The following CACFD1 variants were observed in gnomAD, a reference collection of about 807,000 sequenced individuals.
The protein encoded by CACFD1 is calcium channel flower domain containing 1.
Under a neutral mutation model 21.3 loss-of-function variants are expected in CACFD1, and 26 were observed. The ratio of observed to expected loss-of-function variants is 1.22; its 90% CI spans 0.89 to 1.69. The LOEUF (loss-of-function observed/expected upper bound fraction) is 1.69, where lower values mean the gene tolerates loss of function less well. CACFD1 is among the 40% of genes most tolerant of loss of function. The pLI is 0.00. For missense variants in CACFD1, 265 were observed against 236.2 expected (o/e 1.12, Z -0.80); for synonymous variants, 121 against 106.6 (o/e 1.13, Z -0.83).
At chr9:133,460,995 C>T (rs1843183942) in intron 1 of CACFD1, among the ~76,000 whole-genome samples, 1 of 151,476 alleles carries the variant, frequency 6.6e-6, no homozygotes, top group Non-Finnish European at 1.5e-5. Context: ...GAATGGAAGC[C>T]GTACAGCTGG....
At chr9:133,460,307 C>T (rs1843098446) in intron 1 of CACFD1, 120 bp downstream of exon 1, 13 of 941,726 alleles carry the variant, frequency 1.4e-5, no homozygotes, top group African/African-American at 3.5e-5. Flanking sequence ...GGGGGTCTGC[C>T]GGGCGCCTCC....
rs2131003615 is a variant in CACFD1, at chr9:133,467,917, C to G, written c.321-4C>G. On this transcript the variant is annotated splice_polypyrimidine_tract_variant and splice_region_variant and intron_variant, in intron 3 of 4. Coordinates refer to ENST00000316948, the MANE Select transcript of CACFD1 (RefSeq NM_017586.5). ...TGCCCCCTTGACCTCTGCTTTCCCC[C>G]CAGGATGGCGGTCGTTCCCATCGTC... The G allele has an allele frequency of 6.2e-7, 1 of 1,609,994 alleles. No homozygotes were observed. Among genetic ancestry groups the G allele is most frequent in the Non-Finnish European group, 8.5e-7 (1 of 1,177,888 alleles).
rs934384423 is a variant in CACFD1, at chr9:133,470,043, G to C, written c.*1390G>C. 6.6e-6 allele frequency: 1 copy of C among 152,606 alleles called. No homozygotes were observed. The highest frequency in any genetic ancestry group is 1.5e-5 in the Non-Finnish European group (1 of 68,106). The allele number at this position is 152,606 out of a possible 1,614,324, so 9.5% of individuals were successfully genotyped here. A position where few individuals can be genotyped will look rare whatever the true frequency, so the allele number is the denominator to read the frequency against. The stretch of plus-strand genomic sequence containing the variant: ...CTGCCCAGTACTGCCCTGGGGACTT[G>C]GTGGGCTCCTGGGTCAGCAGCATCC... On this transcript the variant is annotated 3_prime_UTR_variant, in exon 5 of 5. Coordinates refer to ENST00000316948, the MANE Select transcript of CACFD1 (RefSeq NM_017586.5).
rs782661209 is a variant in CACFD1, at chr9:133,467,991, A to T, written c.391A>T (p.Thr131Ser). The change falls in exon 4 of 5, where the codon ACG (threonine) becomes TCG (serine). Residue 131 changes from threonine to serine, a missense_variant. Physicochemically the swap from Thr to Ser is moderately conservative, Grantham distance 58. Coordinates refer to ENST00000316948, the MANE Select transcript of CACFD1 (RefSeq NM_017586.5). ...TLLGNAIAFA[T>S]GVLYGLSALG... ...GCTGGGCAACGCCATCGCCTTTGCTACGGGGGTGCTGTACGGACTCTCTGC... is the reference window on the plus strand; with the variant it reads ...GCTGGGCAACGCCATCGCCTTTGCTTCGGGGGTGCTGTACGGACTCTCTGC... The T allele has an allele frequency of 6.2e-7, 1 of 1,613,798 alleles. No individual in the cohort carries two copies. The highest frequency in any genetic ancestry group is 8.5e-7 in the Non-Finnish European group (1 of 1,180,010).
chr9:133,463,251 C>CCTGCCACCTTG (rs1195299306), intron 1 of CACFD1, among the ~76,000 whole-genome samples: 42 of 152,330 alleles, frequency 2.8e-4, no homozygotes, highest in African/African-American at 1.0e-3. Flanking sequence ...GTGAGATCCA[C>CCTGCCACCTTG]CTGCCACCTT....
chr9:133,468,817 C>A lies in CACFD1; in HGVS notation c.*164C>A. 1 of 1,250,360 alleles carries A rather than the reference C, an allele frequency of 8.0e-7. No homozygotes were observed. Among genetic ancestry groups the A allele is most frequent in the Non-Finnish European group, 1.1e-6 (1 of 934,272 alleles). 77.5% of individuals were successfully genotyped at this position (1,250,360 alleles called of 1,614,324 possible). ...TCTCCAGACTGGCTTAAGCCAGGAG[C>A]CACTGGCTGCTGGTGTGAGGGTCTG... On this transcript the variant is annotated 3_prime_UTR_variant, in exon 5 of 5. Transcript: ENST00000316948.
rs1397895043 is a variant in CACFD1 at position 133,460,037 on chromosome 9, G to A, written c.-30G>A. The stretch of plus-strand genomic sequence containing the variant: ...CGGCCGGCTACCGAGCCCTTTGTGA[G>A]GGCTGTGAGCTGCGCCTGACGGTGG... On this transcript the variant is annotated 5_prime_UTR_variant, in exon 1 of 5. Transcript: ENST00000316948. The A allele has an allele frequency of 3.9e-6, 6 of 1,530,828 alleles. No homozygotes were observed. Among genetic ancestry groups the A allele is most frequent in the Middle Eastern group, 1.8e-4 (1 of 5,682 alleles). 94.8% of individuals were successfully genotyped at this position (1,530,828 alleles called of 1,614,324 possible).
In CACFD1 at chr9:133,463,481, A is replaced by G. The variant is rs781867962; in HGVS notation, c.122-2A>G. 2.5e-6 allele frequency: 4 copies of G among 1,613,906 alleles called. No homozygotes were observed. The highest frequency in any genetic ancestry group is 3.4e-6 in the Non-Finnish European group (4 of 1,180,010). On this transcript the variant is annotated splice_acceptor_variant, in intron 1 of 4. Transcript: ENST00000316948. LOFTEE classifies it high-confidence loss of function. ...ACTCCTGCCCGTGTCTCTTGTTTCA[A>G]GCTTGCGCGATCTCTGGCCTCTTCA...
Position 133,465,748 on chromosome 9 carries a change from C to T in CACFD1, c.320+301C>T, listed in dbSNP as rs983428123. The stretch of plus-strand genomic sequence containing the variant: ...GTGGGAAGCGTCTGGAATTTTGGTC[C>T]GTCCACTGGGAGTTGTTAACCAGAT... On this transcript the variant is annotated intron_variant, in intron 3 of 4. Transcript: ENST00000316948. The surrounding 1 kb of genome is among the most constrained non-coding windows in gnomAD (Gnocchi z 5.0). 1.5e-5 allele frequency: 5 copies of T among 333,596 alleles called. No individual in the cohort carries two copies. The highest frequency in any genetic ancestry group is 1.2e-4 in the South Asian group (3 of 25,098). The allele number at this position is 333,596 out of a possible 1,614,324, so 20.7% of individuals were successfully genotyped here. A position where few individuals can be genotyped will look rare whatever the true frequency, so the allele number is the denominator to read the frequency against.
intron 1 of CACFD1, among the ~76,000 whole-genome samples, chr9:133,460,485 G>GCGGGGA (rs1564453281): frequency 1.3e-5 from 2 of 149,828 alleles, no homozygotes; most frequent in African/African-American, 4.9e-5. Context: ...GGGGGCGGGG[G>GCGGGGA]TGGGGCACCG....
At position 133,463,568 on chromosome 9, in the gene CACFD1, T is replaced by C; in HGVS notation, c.194+13T>C. 6.2e-7 allele frequency: 1 copy of C among 1,613,600 alleles called. No homozygotes were observed. The highest frequency in any genetic ancestry group is 8.5e-7 in the Non-Finnish European group (1 of 1,179,678). On this transcript the variant is annotated intron_variant, in intron 2 of 4. Coordinates refer to ENST00000316948, the MANE Select transcript of CACFD1 (RefSeq NM_017586.5). Reference sequence around the variant, plus strand: ...GCGTGTGGATGATGTGAGTAATGCATGGCCGTCCCACCCCGGGGGTCTTGC... The same window carrying C: ...GCGTGTGGATGATGTGAGTAATGCACGGCCGTCCCACCCCGGGGGTCTTGC...
At chr9:133,462,105 G>A (rs1843242439) in intron 1 of CACFD1, 2 of 1,303,234 alleles carry the variant, frequency 1.5e-6, no homozygotes, top group Non-Finnish European at 2.0e-6. Flanking sequence ...GAGCCTGCTG[G>A]TCTGGCTTGA....
At chr9:133,464,980 C>T (rs1038359754) in intron 2 of CACFD1, 9 of 225,370 alleles carry the variant, frequency 4.0e-5, no homozygotes, top group East Asian at 1.2e-4. Context: ...ATGAACCTGC[C>T]GCAGCGTTGT....
At chr9:133,468,394 A>G in intron 4 of CACFD1, 169 bp from the exon 5 acceptor site, 1 of 1,535,944 alleles carries the variant, frequency 6.5e-7, no homozygotes, top group Non-Finnish European at 8.7e-7. Context: ...AGCCTGGGCC[A>G]TTCTCAGAGG....
In CACFD1 at chr9:133,468,853, C is replaced by A; in HGVS notation, c.*200C>A. On this transcript the variant is annotated 3_prime_UTR_variant, in exon 5 of 5. Coordinates refer to ENST00000316948, the MANE Select transcript of CACFD1 (RefSeq NM_017586.5). ...TGGTGTGAGGGTCTGGGCTGCTGGA[C>A]TTGAGGCAGAGCCTGCAGCAGCTGT... 1 of 885,152 alleles carries A rather than the reference C, an allele frequency of 1.1e-6. No homozygotes were observed. 54.8% of individuals were successfully genotyped at this position (885,152 alleles called of 1,614,324 possible). A position where few individuals can be genotyped will look rare whatever the true frequency, so the allele number is the denominator to read the frequency against.
At chr9:133,460,422 C>T (rs1040556594) in intron 1 of CACFD1, among the ~76,000 whole-genome samples, 2 of 97,708 alleles carry the variant, frequency 2.0e-5, no homozygotes, top group African/African-American at 5.9e-5. Flanking sequence ...GCTGGGCTGG[C>T]GCTTCTGGGA....
intron 2 of CACFD1, among the ~76,000 whole-genome samples, chr9:133,463,892 T>G (rs1588226731): frequency 6.6e-6 from 1 of 152,328 alleles, no homozygotes; most frequent in African/African-American, 2.4e-5. Flanking sequence ...TCCACTATAC[T>G]GGGGCCCTCG....
Position 133,468,892 on chromosome 9 carries a change from A to G in CACFD1, c.*239A>G, listed in dbSNP as rs1406972199. On this transcript the variant is annotated 3_prime_UTR_variant, in exon 5 of 5. Transcript: ENST00000316948. ...TGCAGCAGCTGTGTGGACACTACCC[A>G]GCCCTACTCCTCTGCTGGGTGGGTC... 13 of 602,762 alleles carry G rather than the reference A, an allele frequency of 2.2e-5. No homozygotes were observed. Among genetic ancestry groups the G allele is most frequent in the Non-Finnish European group, 3.6e-5 (13 of 362,488 alleles). The allele number at this position is 602,762 out of a possible 1,614,324, so 37.3% of individuals were successfully genotyped here.
At chr9:133,462,294 G>T in intron 1 of CACFD1, 1 of 1,303,182 alleles carries the variant, frequency 7.7e-7, no homozygotes, top group East Asian at 5.6e-5. Context: ...GCAGGCCCCT[G>T]TGTACCTGTG....
Sources: allele counts gnomAD v4.1 joint callset (sites outside exome capture counted in the v4.1 genomes callset), GRCh38; gene constraint gnomAD v4.1.1; non-coding constraint Gnocchi (gnomAD v3.1); transcripts MANE v1.5; gene names NCBI Gene and HGNC (gene_info 2026-07-23, HGNC 2026-07-21).